Variants in CHSY3 observed in about 807,000 individuals in gnomAD.
CHSY3 encodes chondroitin sulfate synthase 3.
In CHSY3, 35 loss-of-function variants were observed where a neutral mutation model predicts 67.2. That is an observed-to-expected ratio of 0.52 (90% CI 0.40 to 0.69). The LOEUF is 0.69. CHSY3 is among the 30% of genes least tolerant of loss of function. The pLI, the probability that CHSY3 is intolerant of heterozygous loss-of-function variation, is 0.00. For synonymous variants in CHSY3, 474 were observed against 434.7 expected, an observed-to-expected ratio of 1.09 and a Z score of -1.12; for missense variants, 1,069 against 1,138.5, an observed-to-expected ratio of 0.94 and a Z score of 0.88.
chr5:130,185,710 T>G lies in CHSY3; in HGVS notation c.2568T>G (p.Ser856Arg). ...QYKMCLGSKA[S>R]TFASTMQLAE... ...AGATGTGCTTAGGATCCAAGGCAAG[T>G]ACTTTCGCCTCAACCATGCAACTGG... The change falls in exon 3 of 3, where the codon AGT becomes AGG. Residue 856 changes from serine (S) to arginine (R), a missense_variant. Ser to Arg is a moderately radical substitution (Grantham distance 110). Coordinates refer to ENST00000305031, the MANE Select transcript of CHSY3 (RefSeq NM_175856.5). The G allele has an allele frequency of 6.2e-7, 1 of 1,613,738 alleles. No individual in the cohort carries two copies. The highest frequency in any genetic ancestry group is 8.5e-7 in the Non-Finnish European group (1 of 1,179,782).
intron 2 of CHSY3, among the ~76,000 whole-genome samples, chr5:129,945,003 C>T (rs1259006720): frequency 6.6e-6 from 1 of 152,192 alleles, no homozygotes; most frequent in African/African-American, 2.4e-5. Context: ...TTTTAGAACA[C>T]TTATATTCCA....
intron 2 of CHSY3, among the ~76,000 whole-genome samples, chr5:130,067,083 T>A (rs903583441): frequency 1.3e-5 from 2 of 152,166 alleles, no homozygotes; most frequent in Admixed American, 6.6e-5. Flanking sequence ...TACTAAAAAA[T>A]CTGTGGTGAC....
At chr5:130,049,314 T>A (rs941314734) in intron 2 of CHSY3, among the ~76,000 whole-genome samples, 3 of 152,132 alleles carry the variant, frequency 2.0e-5, no homozygotes, top group Non-Finnish European at 4.4e-5. Context: ...AATTCTTTCA[T>A]TGACAAAAAG....
At chr5:130,001,669 G>A in intron 2 of CHSY3, 1 of 738,464 alleles carries the variant, frequency 1.4e-6, no homozygotes, top group Non-Finnish European at 1.7e-6. Flanking sequence ...TAATTTATAA[G>A]CCTGCGTCTT....
intron 2 of CHSY3, among the ~76,000 whole-genome samples, chr5:129,937,381 C>G (rs1360968982): frequency 6.6e-6 from 1 of 152,134 alleles, no homozygotes; most frequent in Non-Finnish European, 1.5e-5. Context: ...CCACTCCCAT[C>G]ATTCAATCAC....
chr5:130,126,272 T>G (rs766568779), intron 2 of CHSY3, among the ~76,000 whole-genome samples: 2 of 151,088 alleles, frequency 1.3e-5, no homozygotes, highest in Non-Finnish European at 2.9e-5. Flanking sequence ...GACCAATGAT[T>G]ATTGGTTACA....
intron 2 of CHSY3, among the ~76,000 whole-genome samples, chr5:129,937,641 A>G (rs111542570): frequency 7.0e-6 from 1 of 143,846 alleles, no homozygotes; most frequent in Admixed American, 6.8e-5. Context: ...ATGAGCCTGA[A>G]AAAAAAAAAT....
At chr5:130,146,788 T>G (rs1769087862) in intron 2 of CHSY3, among the ~76,000 whole-genome samples, 2 of 151,678 alleles carry the variant, frequency 1.3e-5, no homozygotes, top group South Asian at 4.2e-4. Flanking sequence ...TTTTTTGTTT[T>G]GTTTTGTTTT....
At chr5:129,918,269 T>C (rs1760798299) in intron 2 of CHSY3, among the ~76,000 whole-genome samples, 1 of 152,218 alleles carries the variant, frequency 6.6e-6, no homozygotes, top group South Asian at 2.1e-4. Flanking sequence ...AGGTTTATAG[T>C]TGTGTTTATT....
intron 2 of CHSY3, among the ~76,000 whole-genome samples, chr5:129,917,924 C>T: frequency 6.6e-6 from 1 of 151,170 alleles, no homozygotes; most frequent in East Asian, 1.9e-4. Context: ...AGGGTTTCGA[C>T]CACTGTGTAA....
rs1392898376 is a variant in CHSY3 at position 129,980,472 on chromosome 5, T to C, written c.1086+72112T>C. Among the ~76,000 whole-genome samples, 9 of 152,218 alleles carry C rather than the reference T, an allele frequency of 5.9e-5. No homozygotes were observed. The South Asian group carries it at 1.9e-3, about 31-fold the overall frequency. On this transcript the variant is annotated intron_variant, in intron 2 of 2. Coordinates refer to ENST00000305031, the MANE Select transcript of CHSY3 (RefSeq NM_175856.5). ...CATTTTTGAATCAGGTTGTTTGTGT[T>C]CTTATTGTTGTGTCTGAAGTGTTCT...
intron 2 of CHSY3, among the ~76,000 whole-genome samples, chr5:130,178,200 TTTA>T (rs1376725600): frequency 5.4e-5 from 6 of 110,820 alleles, no homozygotes; most frequent in Non-Finnish European, 7.5e-5. Context: ...TATATATATA[TTTA>T]TATATATATG....
intron 2 of CHSY3, among the ~76,000 whole-genome samples, chr5:130,008,726 A>T (rs890303680): frequency 5.3e-5 from 8 of 152,228 alleles, no homozygotes. Flanking sequence ...TACTGAAATG[A>T]TTTAAATGCT....
intron 2 of CHSY3, among the ~76,000 whole-genome samples, chr5:130,094,385 C>A (rs148993871): frequency 2.4e-4 from 36 of 152,244 alleles, no homozygotes; most frequent in Admixed American, 1.5e-3. Context: ...CAGTTTGTAG[C>A]TTTAACCTGT....
intron 2 of CHSY3, among the ~76,000 whole-genome samples, chr5:129,911,883 C>G (rs1760565810): frequency 6.6e-6 from 1 of 151,998 alleles, no homozygotes; most frequent in African/African-American, 2.4e-5. Flanking sequence ...GGTGAAACCC[C>G]GTCTCTACTA....
At chr5:130,112,979 A>T (rs2902584) in intron 2 of CHSY3, among the ~76,000 whole-genome samples, 18,363 of 152,034 alleles carry the variant, frequency 0.12, 2,055 homozygotes, top group East Asian at 0.31. Context: ...TTTGTAGCTT[A>T]TATTTAAAAG....
chr5:130,103,166 C>T (rs1767302708), intron 2 of CHSY3, among the ~76,000 whole-genome samples: 1 of 151,962 alleles, frequency 6.6e-6, no homozygotes, highest in South Asian at 2.1e-4. Context: ...ACTTTCAGAA[C>T]CATTTCTAGA....
rs762808936 is a variant in CHSY3 at position 129,905,418 on chromosome 5, C to G, written c.589C>G (p.Arg197Gly). Residue 197 changes from arginine to glycine, a missense_variant, in exon 1 of 3, where the codon CGT (arginine) becomes GGT (glycine). By Grantham distance (125) the Arg-to-Gly change is moderately radical. This residue lies in a region of CHSY3 where 216 missense variants were observed against 311.5 expected (regional missense o/e 0.69). Coordinates refer to ENST00000305031, the MANE Select transcript of CHSY3 (RefSeq NM_175856.5). ...GCTGGCCGCGCAGCGGACCTGGGCGCGTTTCATCCCGGGCCGCGTGGAGTT... is the reference window on the plus strand; with the variant it reads ...GCTGGCCGCGCAGCGGACCTGGGCGGGTTTCATCCCGGGCCGCGTGGAGTT... ...RALAAQRTWA[R>G]FIPGRVEFFS... 6.2e-7 allele frequency: 1 copy of G among 1,610,222 alleles called. No individual in the cohort carries two copies.
chr5:130,094,276 T>C (rs1394277483), intron 2 of CHSY3, among the ~76,000 whole-genome samples: 1 of 151,892 alleles, frequency 6.6e-6, no homozygotes, highest in Non-Finnish European at 1.5e-5. Flanking sequence ...GAAAGAAAAA[T>C]TACCCCCTAA....
Sources: allele counts gnomAD v4.1 joint callset (sites outside exome capture counted in the v4.1 genomes callset), GRCh38; gene constraint gnomAD v4.1.1; regional missense constraint gnomAD v4.1.1; transcripts MANE v1.5; gene names NCBI Gene and HGNC (gene_info 2026-07-23, HGNC 2026-07-21).